TTC6: variants seen among roughly 807,000 people sequenced by gnomAD.
TTC6 encodes the protein tetratricopeptide repeat protein 6.
A neutral mutation model predicts 210.4 loss-of-function variants in TTC6; 172 were observed. That is an observed-to-expected ratio of 0.82 (90% CI 0.72 to 0.93). The LOEUF (loss-of-function observed/expected upper bound fraction) is 0.93. TTC6 is among the 40% of genes least tolerant of loss of function. TTC6 has a pLI of 0.00. For synonymous variants in TTC6, 804 were observed against 819.6 expected, an observed-to-expected ratio of 0.98 and a Z score of 0.32; for missense variants, 2,414 against 2,318.1, an observed-to-expected ratio of 1.04 and a Z score of -0.85.
At chr14:37,782,686 G>A (rs1396691696) in intron 14 of TTC6, among the ~76,000 whole-genome samples, 2 of 152,172 alleles carry the variant, frequency 1.3e-5, no homozygotes, top group Non-Finnish European at 2.9e-5. Flanking sequence ...TGATGAGAGA[G>A]GGCATCCCTG....
At chr14:37,661,044 C>G (rs1277755823) in intron 1 of TTC6, among the ~76,000 whole-genome samples, 1 of 151,818 alleles carries the variant, frequency 6.6e-6, no homozygotes, top group African/African-American at 2.4e-5. Context: ...TTGTTTTTTT[C>G]TTGTAAATTT....
chr14:37,751,501 C>T (rs1053061586), intron 13 of TTC6, among the ~76,000 whole-genome samples: 1 of 152,126 alleles, frequency 6.6e-6, no homozygotes, highest in Non-Finnish European at 1.5e-5. Flanking sequence ...CAGCTGCCTC[C>T]TCTGGAGCCA....
intron 1 of TTC6, among the ~76,000 whole-genome samples, chr14:37,636,140 G>C (rs1043897992): frequency 1.3e-5 from 2 of 152,104 alleles, no homozygotes; most frequent in African/African-American, 4.8e-5. Flanking sequence ...GTAAAAACTG[G>C]AAGGAGAGAT....
chr14:37,686,380 T>C (rs1436554633), intron 3 of TTC6, among the ~76,000 whole-genome samples: 3 of 152,288 alleles, frequency 2.0e-5, no homozygotes, highest in East Asian at 3.9e-4. Context: ...CTCCCAATGT[T>C]GGTTTTGTAG....
intron 1 of TTC6, among the ~76,000 whole-genome samples, chr14:37,626,258 C>T (rs1311376063): frequency 6.6e-6 from 1 of 152,162 alleles, no homozygotes; most frequent in Admixed American, 6.6e-5. Context: ...ATTCTAATTA[C>T]ATGTGGCTGG....
intron 7 of TTC6, among the ~76,000 whole-genome samples, chr14:37,727,589 A>G (rs1249852445): frequency 1.3e-5 from 2 of 151,870 alleles, no homozygotes; most frequent in Non-Finnish European, 2.9e-5. Context: ...CACCACGCCC[A>G]GACTCTAATT....
chr14:37,668,782 C>A (rs2095753000), intron 1 of TTC6, among the ~76,000 whole-genome samples: 1 of 152,102 alleles, frequency 6.6e-6, no homozygotes, highest in Admixed American at 6.6e-5. Context: ...CACCAGCAAT[C>A]CACTGAATTT....
intron 3 of TTC6, among the ~76,000 whole-genome samples, chr14:37,683,941 C>G (rs1015949614): frequency 6.6e-6 from 1 of 152,078 alleles, no homozygotes. Flanking sequence ...AATCCTCTCC[C>G]ACACTGATTC....
chr14:37,635,716 C>T (rs944270939), intron 1 of TTC6, among the ~76,000 whole-genome samples: 3 of 152,002 alleles, frequency 2.0e-5, no homozygotes, highest in Admixed American at 1.3e-4. Flanking sequence ...CGGTGGCTCA[C>T]GCCTGTAATC....
At chr14:37,659,621 A>C (rs1320591535) in intron 1 of TTC6, among the ~76,000 whole-genome samples, 4 of 152,074 alleles carry the variant, frequency 2.6e-5, no homozygotes, top group African/African-American at 9.7e-5. Context: ...TCCCAGGTTC[A>C]AGCGATTCTC....
chr14:37,808,302 G>C (rs796891599), intron 23 of TTC6, among the ~76,000 whole-genome samples: 3 of 152,234 alleles, frequency 2.0e-5, no homozygotes, highest in African/African-American at 7.2e-5. Context: ...AAGAATCAAA[G>C]AGGAAGCAAA....
At chr14:37,600,380 T>G (rs2095613322) in intron 1 of TTC6, among the ~76,000 whole-genome samples, 1 of 152,120 alleles carries the variant, frequency 6.6e-6, no homozygotes, top group East Asian at 1.9e-4. Context: ...AAGTCAACTA[T>G]TTCATCTCCT....
Position 37,748,065 on chromosome 14 carries a change from C to A in TTC6, c.2364-874C>A, listed in dbSNP as rs564453401. Among the ~76,000 whole-genome samples, 24 of 152,198 alleles carry A rather than the reference C, an allele frequency of 1.6e-4. No homozygotes were observed. The South Asian group carries it at 4.8e-3, about 30-fold the overall frequency. ...GTAAAACAAAAAACAAAAACTATGC[C>A]TGGCTGCCATGCAGAGAATGAGTTA... On this transcript the variant is annotated intron_variant, in intron 10 of 30. Transcript: ENST00000553443.
intron 14 of TTC6, among the ~76,000 whole-genome samples, chr14:37,770,554 G>T (rs1016351529): frequency 6.6e-6 from 1 of 151,902 alleles, no homozygotes; most frequent in African/African-American, 2.4e-5. Flanking sequence ...TTACCATTAT[G>T]TAATGGCCTT....
intron 1 of TTC6, among the ~76,000 whole-genome samples, chr14:37,658,685 A>G (rs177878): frequency 0.38 from 57,216 of 152,054 alleles, 10,963 homozygotes; most frequent in South Asian, 0.43. Context: ...ATCTATGCAC[A>G]TAGCAAAAAC....
intron 4 of TTC6, among the ~76,000 whole-genome samples, chr14:37,697,702 A>T (rs1190810918): frequency 6.6e-6 from 1 of 152,196 alleles, no homozygotes; most frequent in East Asian, 1.9e-4. Flanking sequence ...GTGACCCTGT[A>T]CATACCATTG....
At chr14:37,771,843 G>C (rs191175757) in intron 14 of TTC6, among the ~76,000 whole-genome samples, 1 of 152,160 alleles carries the variant, frequency 6.6e-6, no homozygotes, top group African/African-American at 2.4e-5. Flanking sequence ...TCCGTTGCTC[G>C]TGAGGAACTG....
intron 2 of TTC6, among the ~76,000 whole-genome samples, chr14:37,614,644 G>GT (rs71127226): frequency 0.09 from 12,747 of 141,526 alleles, 732 homozygotes; most frequent in Non-Finnish European, 0.14. Context: ...ATTCTCTTAG[G>GT]TTTTTTTTTT....
At chr14:37,804,156 T>G (rs10483493) in intron 20 of TTC6, among the ~76,000 whole-genome samples, 35,835 of 152,054 alleles carry the variant, frequency 0.24, 4,983 homozygotes, top group Admixed American at 0.36. Flanking sequence ...TTGACTCTTT[T>G]GAATAAATAA....
Sources: allele counts gnomAD v4.1 joint callset (sites outside exome capture counted in the v4.1 genomes callset), GRCh38; gene constraint gnomAD v4.1.1; transcripts MANE v1.5; gene names NCBI Gene and HGNC (gene_info 2026-07-23, HGNC 2026-07-21).